ANKRD44: variants seen among roughly 807,000 people sequenced by gnomAD.
The protein encoded by ANKRD44 is ankyrin repeat domain 44.
In ANKRD44, 35 loss-of-function variants were observed where a neutral mutation model predicts 116.0. That is an observed-to-expected ratio of 0.30 (90% confidence interval 0.23 to 0.40). The LOEUF is 0.40. Ranked by LOEUF, ANKRD44 falls within the 10% of genes least tolerant of loss-of-function variation. The probability of loss-of-function intolerance (pLI) is 1.00; values close to 1 mark genes in which losing one functional copy is unlikely to be tolerated. For missense variants in ANKRD44, 1,014 were observed against 1,242.6 expected (o/e 0.82, Z 2.77); for synonymous variants, 435 against 461.8 (o/e 0.94, Z 0.74).
intron 1 of ANKRD44, among the ~76,000 whole-genome samples, chr2:197,268,310 A>G (rs4850778): frequency 0.33 from 49,700 of 152,106 alleles, 10,147 homozygotes; most frequent in East Asian, 0.63. Context: ...AGCATCTGAG[A>G]TGCACTGGGG....
At chr2:197,292,474 C>T (rs1282033175) in intron 1 of ANKRD44, among the ~76,000 whole-genome samples, 1 of 152,206 alleles carries the variant, frequency 6.6e-6, no homozygotes, top group Non-Finnish European at 1.5e-5. Flanking sequence ...ACACTCAAAT[C>T]ACAATAGTGT....
intron 1 of ANKRD44, among the ~76,000 whole-genome samples, chr2:197,207,508 G>A (rs1258867456): frequency 6.6e-6 from 1 of 152,154 alleles, no homozygotes; most frequent in Non-Finnish European, 1.5e-5. Flanking sequence ...TCAAAGGCCA[G>A]CAGAGAAAAA....
chr2:197,068,413 A>AAAT (rs1553500826), intron 16 of ANKRD44, among the ~76,000 whole-genome samples: 1 of 149,142 alleles, frequency 6.7e-6, no homozygotes, highest in Non-Finnish European at 1.5e-5. Context: ...ATAAAATAAA[A>AAAT]AAAAATAAAA....
chr2:197,131,487 G>A (rs1184949880), intron 4 of ANKRD44, among the ~76,000 whole-genome samples: 2 of 152,204 alleles, frequency 1.3e-5, no homozygotes, highest in East Asian at 1.9e-4. Flanking sequence ...CACCGCGCCC[G>A]GCGATAGTAA....
intron 8 of ANKRD44, among the ~76,000 whole-genome samples, chr2:197,112,150 T>C (rs530759499): frequency 4.9e-4 from 75 of 152,326 alleles, no homozygotes; most frequent in Non-Finnish European, 8.8e-4. Context: ...ATAGAGAGAA[T>C]GTATTTTCAT....
chr2:196,993,622 GC>G lies in ANKRD44; in HGVS notation c.2883del (p.Leu961PhefsTer11). ...GCAAGTACACAGGCCCCTTTGGCCA[GC>G]AACTCCTCAACTACCACCTTTAAGC... ...RNGLKVVVEE[L>X]LAKGACVLAV... On this transcript the variant is annotated frameshift_variant, in exon 27 of 28. Transcript: ENST00000282272. LOFTEE classifies it high-confidence loss of function. 6.4e-7 allele frequency: 1 copy of G among 1,551,076 alleles called. No homozygotes were observed. The highest frequency in any genetic ancestry group is 8.7e-7 in the Non-Finnish European group (1 of 1,147,074).
chr2:197,072,770 A>T (rs1182331858), intron 16 of ANKRD44, among the ~76,000 whole-genome samples: 1 of 152,208 alleles, frequency 6.6e-6, no homozygotes. Context: ...AACAATGACT[A>T]AGTGTTTAGC....
rs781422169 is a variant in ANKRD44 at position 197,121,502 on chromosome 2, C to T, written c.736G>A (p.Ala246Thr). Residue 246 changes from alanine (A) to threonine (T), a missense_variant, in exon 8 of 28, where the codon GCC (alanine) becomes ACC (threonine). Transcript: ENST00000282272. Reference protein sequence around the residue: ...NVYGNTALHIACYNGQDAVVN... With the variant: ...NVYGNTALHITCYNGQDAVVN... Reference sequence around the variant, plus strand: ...ACAGCATCCTGTCCATTGTAGCAGGCGATGTGAAGCGCTGTATTTCCATAG... The same window carrying T: ...ACAGCATCCTGTCCATTGTAGCAGGTGATGTGAAGCGCTGTATTTCCATAG... 2.0e-5 allele frequency: 33 copies of T among 1,614,022 alleles called. No homozygotes were observed. The highest frequency in any genetic ancestry group is 1.6e-4 in the Middle Eastern group (1 of 6,084).
chr2:197,099,727 A>G lies in ANKRD44; in HGVS notation c.1100+89T>C. ...GGTATAGATCCACCTTAACCTGGAT[A>G]AATGGGAACTATCTACTGCACGGAA... is the stretch of plus-strand genomic sequence containing the variant. On this transcript the variant is annotated intron_variant, in intron 10 of 27. Coordinates refer to ENST00000282272, the MANE Select transcript of ANKRD44 (RefSeq NM_001195144.2). The G allele has an allele frequency of 8.4e-6, 13 of 1,541,124 alleles. No individual in the cohort carries two copies. The South Asian group carries it at 1.6e-4, about 19-fold the overall frequency.
chr2:197,013,368 T>G lies in ANKRD44; in HGVS notation c.1924+143A>C, dbSNP rs1326711604. On this transcript the variant is annotated intron_variant, in intron 18 of 27. Transcript: ENST00000282272. ...CCAAGAGGATAGCAGGCCAAAAGCA[T>G]TTTGGAAGTGTGGAAGTGCATCTGA... The G allele has an allele frequency of 2.1e-5, 19 of 919,898 alleles. No individual in the cohort carries two copies. The Admixed American group carries it at 4.7e-4, about 23-fold the overall frequency. 57.0% of individuals were successfully genotyped at this position (919,898 alleles called of 1,614,324 possible).
At chr2:197,048,241 C>T (rs773511230) in intron 16 of ANKRD44, among the ~76,000 whole-genome samples, 1 of 152,024 alleles carries the variant, frequency 6.6e-6, no homozygotes, top group Non-Finnish European at 1.5e-5. Flanking sequence ...GCACCACGTG[C>T]AGGTTTGATA....
At chr2:197,012,537 G>A (rs1040381600) in intron 18 of ANKRD44, among the ~76,000 whole-genome samples, 2 of 151,682 alleles carry the variant, frequency 1.3e-5, no homozygotes, top group African/African-American at 4.8e-5. Context: ...TAACCTTATG[G>A]CTAACGTTTT....
At chr2:197,261,515 CAAA>C (rs36155331) in intron 1 of ANKRD44, among the ~76,000 whole-genome samples, 4 of 122,846 alleles carry the variant, frequency 3.3e-5, no homozygotes, top group Admixed American at 7.9e-5. Flanking sequence ...TTTTGCCAAC[CAAA>C]AAAAAAAAAA....
In ANKRD44 at chr2:197,195,400, G is replaced by A. The variant is rs1358832404; in HGVS notation, c.28-8294C>T. 2.0e-5 allele frequency among the ~76,000 whole-genome samples: 3 copies of A among 152,206 alleles called. No individual in the cohort carries two copies. The East Asian group carries it at 5.8e-4, about 29-fold the overall frequency. On this transcript the variant is annotated intron_variant, in intron 1 of 27. Transcript: ENST00000282272. ...GAGTACTGGAGAAGGAGAGATTGGA[G>A]TTAGAGGCCCAGTTAGAAGGCTGTT...
At chr2:197,049,496 C>T (rs573959545) in intron 16 of ANKRD44, among the ~76,000 whole-genome samples, 5 of 152,268 alleles carry the variant, frequency 3.3e-5, no homozygotes, top group Admixed American at 2.6e-4. Context: ...AACACCTACA[C>T]AATCAGACAC....
intron 8 of ANKRD44, 127 bp downstream of exon 8, chr2:197,121,205 C>T (rs1432696716): frequency 6.5e-6 from 6 of 925,944 alleles, no homozygotes; most frequent in African/African-American, 3.3e-5. Context: ...TTCTTATAGC[C>T]TCCAAATCCA....
intron 17 of ANKRD44, 88 bp downstream of exon 17, chr2:197,025,108 C>G: frequency 7.5e-7 from 1 of 1,340,412 alleles, no homozygotes; most frequent in Non-Finnish European, 1.1e-6. Flanking sequence ...CACTGTGTTA[C>G]TACATTTACA....
Position 197,206,694 on chromosome 2 carries a change from G to A in ANKRD44, c.28-19588C>T, listed in dbSNP as rs553116167. Reference sequence around the variant, plus strand: ...GGCGCCACTACACTCCAGCCTGAGCGACAGAGCGAGACTCCTCCGTCTCAA... The same window carrying A: ...GGCGCCACTACACTCCAGCCTGAGCAACAGAGCGAGACTCCTCCGTCTCAA... On this transcript the variant is annotated intron_variant, in intron 1 of 27. Transcript: ENST00000282272. Among the ~76,000 whole-genome samples the A allele has an allele frequency of 1.1e-4, 17 of 152,278 alleles. No individual in the cohort carries two copies. The East Asian group carries it at 2.3e-3, about 21-fold the overall frequency.
intron 8 of ANKRD44, among the ~76,000 whole-genome samples, chr2:197,112,392 A>C (rs895535521): frequency 6.6e-6 from 1 of 152,224 alleles, no homozygotes; most frequent in African/African-American, 2.4e-5. Context: ...CCCACGTCTG[A>C]ATCACCCAGG....
Sources: gnomAD v4.1 joint callset for allele counts (sites outside exome capture counted in the v4.1 genomes callset) on GRCh38, gnomAD v4.1.1 for gene constraint, MANE v1.5 for transcripts, NCBI Gene and HGNC (gene_info 2026-07-23, HGNC 2026-07-21) for gene names.